Variants in EPS15 observed in about 807,000 individuals in gnomAD.
EPS15 encodes the protein epidermal growth factor receptor substrate 15.
EPS15 carries 72 observed loss-of-function variants against 113.8 expected under a neutral mutation model. The ratio of observed to expected loss-of-function variants is 0.63; its 90% confidence interval spans 0.52 to 0.77. EPS15 has a LOEUF of 0.77. Ranked by LOEUF, EPS15 falls within the 30% of genes least tolerant of loss-of-function variation. The pLI, the probability that EPS15 is intolerant of heterozygous loss-of-function variation, is 0.00. For missense variants in EPS15, 1,048 were observed against 1,045.8 expected (o/e 1.00, Z -0.03); for synonymous variants, 344 against 363.4 (o/e 0.95, Z 0.61).
chr1:51,395,654 C>T (rs948950754), intron 20 of EPS15, among the ~76,000 whole-genome samples: 3 of 152,154 alleles, frequency 2.0e-5, no homozygotes, highest in African/African-American at 7.2e-5. Context: ...CAGATGCCAG[C>T]GATTCTGGCT....
intron 1 of EPS15, among the ~76,000 whole-genome samples, chr1:51,510,893 G>A (rs922660767): frequency 9.9e-5 from 15 of 152,260 alleles, no homozygotes; most frequent in African/African-American, 3.4e-4. Context: ...GGCCGGGCAC[G>A]ATGGCTCACG....
chr1:51,474,929 G>A (rs574084054), intron 2 of EPS15, among the ~76,000 whole-genome samples: 36 of 150,990 alleles, frequency 2.4e-4, no homozygotes, highest in Non-Finnish European at 4.9e-4. Context: ...AGAACATGCG[G>A]TGTTTGGTTT....
At chr1:51,399,244 G>A in intron 19 of EPS15, 79 bp from the exon 20 acceptor site, 2 of 1,368,878 alleles carry the variant, frequency 1.5e-6, no homozygotes, top group Non-Finnish European at 2.0e-6. Flanking sequence ...GGTATGATCA[G>A]TGCCTTAATT....
At chr1:51,472,604 C>T (rs866692748) in intron 3 of EPS15, among the ~76,000 whole-genome samples, 2 of 152,288 alleles carry the variant, frequency 1.3e-5, no homozygotes, top group South Asian at 2.1e-4. Context: ...TTTCTCCCCA[C>T]CAAATGTACT....
At chr1:51,358,692 C>T (rs1646298980) in intron 24 of EPS15, among the ~76,000 whole-genome samples, 1 of 149,280 alleles carries the variant, frequency 6.7e-6, no homozygotes, top group Non-Finnish European at 1.5e-5. Context: ...TCCTTCCAAC[C>T]AGATTTGTTT....
intron 5 of EPS15, among the ~76,000 whole-genome samples, chr1:51,466,477 GC>G (rs1654850272): frequency 6.6e-6 from 1 of 151,470 alleles, no homozygotes; most frequent in Non-Finnish European, 1.5e-5. Context: ...AAAAAATTTA[GC>G]CGGGTGTGGT....
chr1:51,432,304 A>G (rs1651798037), intron 12 of EPS15, among the ~76,000 whole-genome samples: 1 of 111,246 alleles, frequency 9.0e-6, no homozygotes, highest in African/African-American at 4.0e-5. Flanking sequence ...TAGATTATGT[A>G]TGTATGTATG....
At position 51,479,190 on chromosome 1, in the gene EPS15, G is replaced by A. The variant is rs111700444; in HGVS notation, c.75+2083C>T. On this transcript the variant is annotated intron_variant, in intron 2 of 24. Transcript: ENST00000371733. ...CTTTTTTCTCTAAACTTCTCTTCTC[G>A]CTTCATTTCATTCGAGCTTCAACCA... 8.6e-3 allele frequency among the ~76,000 whole-genome samples: 1,305 copies of A among 151,992 alleles called. 19 individuals carry two copies. The highest frequency in any genetic ancestry group is 0.029 in the African/African-American group (1,191 of 41,458).
In EPS15 at chr1:51,514,769, T is replaced by C. The variant is rs1373150141; in HGVS notation, c.33+4430A>G. On this transcript the variant is annotated intron_variant, in intron 1 of 24. Coordinates refer to ENST00000371733, the MANE Select transcript of EPS15 (RefSeq NM_001981.3). ...ACTTGTTCCTAATTAATTTTAACTA[T>C]GACAACCTCTCCCAAGTGCTGAACA... Among the ~76,000 whole-genome samples, 9 of 152,218 alleles carry C rather than the reference T, an allele frequency of 5.9e-5. No individual in the cohort carries two copies. The East Asian group carries it at 1.5e-3, about 26-fold the overall frequency.
intron 21 of EPS15, among the ~76,000 whole-genome samples, chr1:51,370,046 C>T (rs1057505116): frequency 6.6e-6 from 1 of 152,232 alleles, no homozygotes; most frequent in African/African-American, 2.4e-5. Flanking sequence ...AAACAGCTAT[C>T]TACCAGAAAT....
intron 21 of EPS15, among the ~76,000 whole-genome samples, chr1:51,380,394 T>C (rs1163153117): frequency 1.3e-5 from 2 of 152,194 alleles, no homozygotes; most frequent in East Asian, 3.8e-4. Context: ...AACTCAACTT[T>C]AGAAGTAAAT....
chr1:51,412,248 A>C (rs1649792899), intron 13 of EPS15, among the ~76,000 whole-genome samples: 1 of 152,134 alleles, frequency 6.6e-6, no homozygotes, highest in Non-Finnish European at 1.5e-5. Flanking sequence ...TAGGACAAAT[A>C]CCTAATACAT....
chr1:51,463,881 T>G (rs1046245676), intron 6 of EPS15, 83 bp from the exon 7 acceptor site: 1 of 731,938 alleles, frequency 1.4e-6, no homozygotes, highest in East Asian at 2.6e-5. Context: ...CCTTAAAGAA[T>G]AGACTACATA....
At chr1:51,373,812 G>A (rs535049691) in intron 21 of EPS15, among the ~76,000 whole-genome samples, 145 of 152,168 alleles carry the variant, frequency 9.5e-4, no homozygotes, top group Non-Finnish European at 1.8e-3. Context: ...TTAGCCAGGC[G>A]TGGTGGTGCA....
At chr1:51,453,870 T>A in intron 8 of EPS15, among the ~76,000 whole-genome samples, 1 of 151,914 alleles carries the variant, frequency 6.6e-6, no homozygotes, top group Non-Finnish European at 1.5e-5. Flanking sequence ...AAGACTTTGG[T>A]GAAACCCTGT....
intron 12 of EPS15, among the ~76,000 whole-genome samples, chr1:51,427,021 G>T (rs1302913334): frequency 6.6e-6 from 1 of 151,714 alleles, no homozygotes; most frequent in Non-Finnish European, 1.5e-5. Flanking sequence ...GCCTAAACCA[G>T]CTCCAGTTAG....
chr1:51,387,485 T>C (rs1008187229), intron 21 of EPS15, among the ~76,000 whole-genome samples: 7 of 152,050 alleles, frequency 4.6e-5, no homozygotes, highest in African/African-American at 1.7e-4. Flanking sequence ...ACTTTAAATG[T>C]AAATGGACTA....
chr1:51,459,363 G>T (rs1017201297), intron 8 of EPS15, among the ~76,000 whole-genome samples: 17 of 152,234 alleles, frequency 1.1e-4, no homozygotes, highest in Admixed American at 9.8e-4. Flanking sequence ...CAGATGTGGT[G>T]GTGCACTTCT....
intron 4 of EPS15, among the ~76,000 whole-genome samples, chr1:51,470,646 CAAAAAAAAAA>C (rs10616476): frequency 1.4e-5 from 1 of 72,996 alleles, no homozygotes; most frequent in African/African-American, 4.4e-5. Flanking sequence ...GGCTCTGTCT[CAAAAAAAAAA>C]AAAAAAAAAA....
Sources: gnomAD v4.1 joint callset for allele counts (sites outside exome capture counted in the v4.1 genomes callset) on GRCh38, gnomAD v4.1.1 for gene constraint, MANE v1.5 for transcripts, NCBI Gene and HGNC (gene_info 2026-07-23, HGNC 2026-07-21) for gene names.